Variants in FARS2 observed in about 807,000 individuals in gnomAD.
FARS2 encodes the protein phenylalanine--tRNA ligase, mitochondrial.
FARS2 carries 40 observed loss-of-function variants against 46.4 expected under a neutral mutation model. The ratio of observed to expected loss-of-function variants is 0.86; its 90% CI spans 0.67 to 1.12. FARS2 has a LOEUF of 1.12. Ranked by LOEUF, FARS2 falls within the 50% of genes most tolerant of loss-of-function variation. FARS2 has a pLI of 0.00. For missense variants in FARS2, 513 were observed against 567.9 expected (o/e 0.90, Z 0.98); for synonymous variants, 234 against 214.9 (o/e 1.09, Z -0.78).
intron 4 of FARS2, among the ~76,000 whole-genome samples, chr6:5,472,366 A>G (rs1765854412): frequency 6.6e-6 from 1 of 152,226 alleles, no homozygotes; most frequent in South Asian, 2.1e-4. Context: ...GTATGTGACA[A>G]TTAACTCTCC....
intron 6 of FARS2, among the ~76,000 whole-genome samples, chr6:5,659,443 G>T (rs1396780284): frequency 6.6e-6 from 1 of 152,190 alleles, no homozygotes; most frequent in African/African-American, 2.4e-5. Context: ...ACAGCGAAGT[G>T]ACAGTCCGGT....
At chr6:5,287,240 G>C (rs1198264401) in intron 1 of FARS2, among the ~76,000 whole-genome samples, 1 of 152,236 alleles carries the variant, frequency 6.6e-6, no homozygotes, top group African/African-American at 2.4e-5. Context: ...TGGCTTCTCA[G>C]CTCTGTTTGT....
intron 1 of FARS2, among the ~76,000 whole-genome samples, chr6:5,283,374 CAAA>C (rs1180107524): frequency 1.3e-4 from 7 of 55,084 alleles, no homozygotes; most frequent in East Asian, 6.8e-4. Context: ...ACTCCTGTCT[CAAA>C]AAAAAAAAAA....
chr6:5,576,221 G>A (rs1374104107), intron 5 of FARS2, among the ~76,000 whole-genome samples: 3 of 152,190 alleles, frequency 2.0e-5, no homozygotes, highest in Non-Finnish European at 2.9e-5. Flanking sequence ...GGGTGTGTCT[G>A]TGAGGGTGTT....
chr6:5,679,808 A>G (rs1183683076), intron 6 of FARS2, among the ~76,000 whole-genome samples: 2 of 145,956 alleles, frequency 1.4e-5, no homozygotes, highest in African/African-American at 2.8e-5. Context: ...CAAAACTCCT[A>G]TCTTTTTTGT....
chr6:5,692,450 G>A (rs952220018), intron 6 of FARS2, among the ~76,000 whole-genome samples: 1 of 152,082 alleles, frequency 6.6e-6, no homozygotes, highest in Non-Finnish European at 1.5e-5. Flanking sequence ...TTGGCCTGGG[G>A]TTCCCTTTCC....
intron 1 of FARS2, among the ~76,000 whole-genome samples, chr6:5,352,503 G>A (rs534237416): frequency 3.3e-5 from 5 of 152,074 alleles, no homozygotes; most frequent in African/African-American, 1.2e-4. Context: ...GTAGAGAGCA[G>A]TAGGTGAGCA....
intron 1 of FARS2, among the ~76,000 whole-genome samples, chr6:5,316,983 C>T (rs1004295840): frequency 6.6e-6 from 1 of 152,108 alleles, no homozygotes; most frequent in African/African-American, 2.4e-5. Context: ...AGGGCACAGC[C>T]GGTACAGCCC....
intron 5 of FARS2, among the ~76,000 whole-genome samples, chr6:5,595,487 C>T (rs1392991741): frequency 6.6e-6 from 1 of 152,206 alleles, no homozygotes; most frequent in Non-Finnish European, 1.5e-5. Context: ...AAGAGAGCCA[C>T]AGACTTTCTC....
chr6:5,704,057 G>A (rs1758596781), intron 6 of FARS2, among the ~76,000 whole-genome samples: 3 of 152,180 alleles, frequency 2.0e-5, no homozygotes, highest in Non-Finnish European at 4.4e-5. Flanking sequence ...TGGAGATGGG[G>A]TCAGATGCCA....
chr6:5,572,620 C>T (rs988577474), intron 5 of FARS2, among the ~76,000 whole-genome samples: 1 of 152,148 alleles, frequency 6.6e-6, no homozygotes, highest in Non-Finnish European at 1.5e-5. Flanking sequence ...CACCCCAAGC[C>T]CGTAACAAGT....
At chr6:5,509,248 C>G (rs1768284884) in intron 4 of FARS2, among the ~76,000 whole-genome samples, 1 of 152,268 alleles carries the variant, frequency 6.6e-6, no homozygotes, top group South Asian at 2.1e-4. Context: ...AGATACTAAA[C>G]TTCCAGCTTT....
intron 4 of FARS2, among the ~76,000 whole-genome samples, chr6:5,470,075 A>G (rs1001321989): frequency 4.6e-5 from 7 of 152,214 alleles, no homozygotes; most frequent in African/African-American, 1.7e-4. Flanking sequence ...ATTATTATCT[A>G]TTTTATTATT....
chr6:5,484,137 G>A (rs776662443), intron 4 of FARS2, among the ~76,000 whole-genome samples: 44 of 152,128 alleles, frequency 2.9e-4, no homozygotes, highest in Non-Finnish European at 5.0e-4. Context: ...AGTGAAAAAC[G>A]TTCAGGCAAA....
chr6:5,341,218 TATATATA>T (rs1771581773), intron 1 of FARS2, among the ~76,000 whole-genome samples: 7 of 7,434 alleles, frequency 9.4e-4, no homozygotes, highest in Admixed American at 1.9e-3. Context: ...TATATATATA[TATATATA>T]TATATATATA....
chr6:5,522,326 G>T (rs1046891620), intron 4 of FARS2, among the ~76,000 whole-genome samples: 2 of 152,210 alleles, frequency 1.3e-5, no homozygotes, highest in African/African-American at 4.8e-5. Context: ...TGTGGCCCCA[G>T]TCTGTCTGCA....
At chr6:5,574,119 C>T (rs1772819473) in intron 5 of FARS2, among the ~76,000 whole-genome samples, 1 of 152,106 alleles carries the variant, frequency 6.6e-6, no homozygotes, top group East Asian at 1.9e-4. Context: ...ATTAAAATCA[C>T]TAGGAGAGTC....
At chr6:5,755,187 A>C (rs1282442525) in intron 6 of FARS2, among the ~76,000 whole-genome samples, 1 of 152,084 alleles carries the variant, frequency 6.6e-6, no homozygotes, top group African/African-American at 2.4e-5. Context: ...TTTTATTTCC[A>C]TACATTTTTA....
upstream of FARS2, among the ~76,000 whole-genome samples, chr6:5,260,020 T>G (rs1764920657): frequency 6.6e-6 from 1 of 152,178 alleles, no homozygotes; most frequent in Non-Finnish European, 1.5e-5. Context: ...GCCCTCAATA[T>G]CCTGCTGTCA....
Sources: gnomAD v4.1 joint callset for allele counts (sites outside exome capture counted in the v4.1 genomes callset) on GRCh38, gnomAD v4.1.1 for gene constraint, MANE v1.5 for transcripts, NCBI Gene and HGNC (gene_info 2026-07-23, HGNC 2026-07-21) for gene names.